TUNAR: variants seen among roughly 807,000 people sequenced by gnomAD.
The protein encoded by TUNAR is transmembrane neural differentiation associated intracellular calcium regulator.
chr14:95,905,368 G>A (rs886799901), intron 2 of TUNAR, among the ~76,000 whole-genome samples: 6 of 152,082 alleles, frequency 3.9e-5, no homozygotes, highest in Admixed American at 6.5e-5. Flanking sequence ...TCCAATCTGG[G>A]GCAGTTCTTC....
chr14:95,895,366 G>A lies in TUNAR; in HGVS notation c.12+18189G>A, dbSNP rs1183590580. 6.6e-6 allele frequency among the ~76,000 whole-genome samples: 1 copy of A among 152,132 alleles called. No homozygotes were observed. Among genetic ancestry groups the A allele is most frequent in the Non-Finnish European group, 1.5e-5 (1 of 68,028 alleles). On this transcript the variant is annotated intron_variant, in intron 2 of 2. Coordinates refer to ENST00000678517, the Ensembl canonical transcript of TUNAR. The surrounding 1 kb of genome is among the most constrained non-coding windows in gnomAD (Gnocchi z 4.5). ...AAGTGTGGGGCCCTGTTTTAGCTCC[G>A]TAGCCAAAGACCTGAGTTCCAGCAA...
chr14:95,917,397 C>A (rs931869381), intron 2 of TUNAR, among the ~76,000 whole-genome samples: 2 of 152,094 alleles, frequency 1.3e-5, no homozygotes, highest in African/African-American at 4.8e-5. Context: ...AAGCCTTAGA[C>A]CTAAGACATA....
intron 2 of TUNAR, among the ~76,000 whole-genome samples, chr14:95,902,186 A>G (rs1035912517): frequency 6.6e-6 from 1 of 152,128 alleles, no homozygotes; most frequent in South Asian, 2.1e-4. Context: ...ACCTTATAGC[A>G]AAGTCATTTT....
chr14:95,922,758 G>A (rs1287201309), intron 2 of TUNAR, 23 bp from the exon 2 acceptor site: 1 of 398,834 alleles, frequency 2.5e-6, no homozygotes, highest in East Asian at 3.6e-5. Context: ...ATCATCTTTT[G>A]TGCTGCCTCT....
At chr14:95,910,523 A>C (rs968148814) in intron 2 of TUNAR, among the ~76,000 whole-genome samples, 1 of 152,256 alleles carries the variant, frequency 6.6e-6, no homozygotes, top group East Asian at 1.9e-4. Context: ...ACAAAGCCAG[A>C]TCCAGCAACA....
At chr14:95,911,906 C>T (rs1210366884) in intron 2 of TUNAR, among the ~76,000 whole-genome samples, 3 of 152,192 alleles carry the variant, frequency 2.0e-5, no homozygotes, top group Non-Finnish European at 4.4e-5. Flanking sequence ...AACATCTCTG[C>T]TGTACTATAG....
intron 2 of TUNAR, among the ~76,000 whole-genome samples, chr14:95,917,038 A>AT (rs1397385177): frequency 6.6e-6 from 1 of 152,118 alleles, no homozygotes; most frequent in East Asian, 1.9e-4. Flanking sequence ...TTTTGATGAT[A>AT]TTTTATTTTT....
intron 2 of TUNAR, among the ~76,000 whole-genome samples, chr14:95,892,512 C>A (rs898424429): frequency 6.6e-6 from 1 of 152,228 alleles, no homozygotes; most frequent in African/African-American, 2.4e-5. Flanking sequence ...GTCAGGGTAT[C>A]ATTTTGACCT....
chr14:95,902,936 A>G (rs989019404), intron 2 of TUNAR, among the ~76,000 whole-genome samples: 1 of 152,210 alleles, frequency 6.6e-6, no homozygotes, highest in Non-Finnish European at 1.5e-5. Flanking sequence ...AGATTTTCTC[A>G]GTAAATATCT....
intron 2 of TUNAR, among the ~76,000 whole-genome samples, chr14:95,921,851 C>T (rs2078192967): frequency 6.6e-6 from 1 of 152,200 alleles, no homozygotes; most frequent in East Asian, 1.9e-4. Flanking sequence ...ATTTGTCTGC[C>T]ATGTGCTCTT....
chr14:95,881,169 G>A (rs1277351906), intron 2 of TUNAR, among the ~76,000 whole-genome samples: 3 of 152,076 alleles, frequency 2.0e-5, no homozygotes, highest in East Asian at 1.9e-4. Flanking sequence ...GCATACGGAG[G>A]TGATTTTGCT....
Position 95,895,131 on chromosome 14 carries a change from T to A in TUNAR, c.12+17954T>A, listed in dbSNP as rs1230366645. Among the ~76,000 whole-genome samples the A allele has an allele frequency of 6.6e-6, 1 of 152,220 alleles. No individual in the cohort carries two copies. The highest frequency in any genetic ancestry group is 1.5e-5 in the Non-Finnish European group (1 of 68,028). On this transcript the variant is annotated intron_variant, in intron 2 of 2. Transcript: ENST00000678517. This position sits in a 1 kb window ranked among gnomAD's most constrained non-coding sequence, Gnocchi z 4.5. The stretch of plus-strand genomic sequence containing the variant: ...GGAAGTGCAGAACCTGCCTTGAAGC[T>A]GGACGAGGGTCATACAAGGTGTCCC...
intron 2 of TUNAR, among the ~76,000 whole-genome samples, chr14:95,882,009 A>G (rs1348599481): frequency 6.6e-6 from 1 of 152,182 alleles, no homozygotes; most frequent in African/African-American, 2.4e-5. Flanking sequence ...TGGATCACTG[A>G]GCTGCTTATA....
intron 2 of TUNAR, among the ~76,000 whole-genome samples, chr14:95,914,958 T>C (rs753353049): frequency 6.6e-6 from 1 of 152,214 alleles, no homozygotes; most frequent in Non-Finnish European, 1.5e-5. Flanking sequence ...GACTTGCTTT[T>C]GTTTAGTTCC....
intron 2 of TUNAR, among the ~76,000 whole-genome samples, chr14:95,904,191 C>A (rs141238722): frequency 1.3e-5 from 2 of 152,338 alleles, no homozygotes; most frequent in East Asian, 1.9e-4. Flanking sequence ...AAACCTGGAG[C>A]CTTGCTTGAT....
chr14:95,915,961 A>G (rs1370347988), intron 2 of TUNAR, among the ~76,000 whole-genome samples: 3 of 152,214 alleles, frequency 2.0e-5, no homozygotes, highest in Non-Finnish European at 2.9e-5. Flanking sequence ...TTTGGCATTC[A>G]GCACAGCACT....
chr14:95,914,160 G>A (rs1383757393), intron 2 of TUNAR, among the ~76,000 whole-genome samples: 1 of 152,208 alleles, frequency 6.6e-6, no homozygotes, highest in African/African-American at 2.4e-5. Context: ...GTCAAAAACT[G>A]GAAGGTGAGT....
chr14:95,917,137 C>G (rs1189204255), intron 2 of TUNAR, among the ~76,000 whole-genome samples: 1 of 152,206 alleles, frequency 6.6e-6, no homozygotes, highest in Admixed American at 6.5e-5. Flanking sequence ...ATATCCTTCT[C>G]TACCCCAAGG....
At chr14:95,913,747 T>G (rs1889556922) in intron 2 of TUNAR, among the ~76,000 whole-genome samples, 1 of 152,136 alleles carries the variant, frequency 6.6e-6, no homozygotes, top group Non-Finnish European at 1.5e-5. Flanking sequence ...GGACTTTTTT[T>G]TTTTGAGACA....
Sources: allele counts gnomAD v4.1 joint callset (sites outside exome capture counted in the v4.1 genomes callset), GRCh38; gene constraint gnomAD v4.1.1; non-coding constraint Gnocchi (gnomAD v3.1); transcripts MANE v1.5; gene names NCBI Gene and HGNC (gene_info 2026-07-23, HGNC 2026-07-21).